The following PBX3 variants were observed in gnomAD, a reference collection of about 807,000 sequenced individuals.
PBX3 encodes pre-B-cell leukemia transcription factor 3.
PBX3 carries 14 observed loss-of-function variants against 48.5 expected under a neutral mutation model. The observed-to-expected ratio is 0.29, with a 90% CI of 0.19 to 0.45. PBX3 has a LOEUF of 0.45. PBX3 is among the 20% of genes least tolerant of loss of function. PBX3 has a pLI of 1.00. For synonymous variants in PBX3, 210 were observed against 200.3 expected, an observed-to-expected ratio of 1.05 and a Z score of -0.41; for missense variants, 386 against 546.7, an observed-to-expected ratio of 0.71 and a Z score of 2.93.
Position 125,865,638 on chromosome 9 carries a change from C to G in PBX3, c.275-50048C>G, listed in dbSNP as rs570985637. On this transcript the variant is annotated intron_variant, in intron 2 of 8. Coordinates refer to ENST00000373489, the MANE Select transcript of PBX3 (RefSeq NM_006195.6). Reference sequence around the variant, plus strand: ...ATTTCAGTAATAAGGAAGAACAGATCTGATTGTTTTTGCATAACATTTCCC... The same window carrying G: ...ATTTCAGTAATAAGGAAGAACAGATGTGATTGTTTTTGCATAACATTTCCC... Among the ~76,000 whole-genome samples the G allele has an allele frequency of 5.9e-5, 9 of 152,268 alleles. No individual in the cohort carries two copies. In the South Asian group the frequency reaches 1.9e-3, roughly 32 times the overall value.
chr9:125,872,278 T>G (rs961613775), intron 2 of PBX3, among the ~76,000 whole-genome samples: 5 of 152,228 alleles, frequency 3.3e-5, no homozygotes, highest in African/African-American at 9.6e-5. Flanking sequence ...TTTAAAAGAT[T>G]GCAAGAGAAA....
intron 2 of PBX3, among the ~76,000 whole-genome samples, chr9:125,802,340 C>T (rs1837978425): frequency 1.7e-5 from 2 of 121,076 alleles, no homozygotes; most frequent in South Asian, 6.3e-4. Flanking sequence ...TTAGCTTCTA[C>T]TTGTGAGAAC....
chr9:125,860,819 A>G (rs1839843216), intron 2 of PBX3, among the ~76,000 whole-genome samples: 1 of 147,900 alleles, frequency 6.8e-6, no homozygotes, highest in Non-Finnish European at 1.5e-5. Flanking sequence ...CCCAGGAGGC[A>G]GAGGTTGCAG....
At chr9:125,882,678 A>G (rs1238217090) in intron 2 of PBX3, among the ~76,000 whole-genome samples, 2 of 152,224 alleles carry the variant, frequency 1.3e-5, no homozygotes, top group African/African-American at 2.4e-5. Context: ...CATGTTGTCA[A>G]TTGGATATTA....
intron 2 of PBX3, among the ~76,000 whole-genome samples, chr9:125,760,094 A>G (rs1365388974): frequency 6.6e-6 from 1 of 152,166 alleles, no homozygotes; most frequent in Non-Finnish European, 1.5e-5. Flanking sequence ...AACCTATCTG[A>G]GCAGTTTATT....
chr9:125,797,140 A>G (rs1341571278), intron 2 of PBX3, among the ~76,000 whole-genome samples: 2 of 152,154 alleles, frequency 1.3e-5, no homozygotes, highest in Non-Finnish European at 2.9e-5. Context: ...AGACATTAAT[A>G]TGTTATATCA....
intron 2 of PBX3, among the ~76,000 whole-genome samples, chr9:125,851,490 G>C (rs1254165633): frequency 6.6e-6 from 1 of 152,014 alleles, no homozygotes; most frequent in Non-Finnish European, 1.5e-5. Flanking sequence ...CAGGCCATTA[G>C]GAGATATTTT....
At chr9:125,778,064 G>A (rs1332116878) in intron 2 of PBX3, among the ~76,000 whole-genome samples, 2 of 148,850 alleles carry the variant, frequency 1.3e-5, no homozygotes, top group African/African-American at 2.5e-5. Context: ...AGGTTAAAGC[G>A]ATTCTCCTGC....
chr9:125,818,922 G>A (rs1009213656), intron 2 of PBX3, among the ~76,000 whole-genome samples: 8 of 151,184 alleles, frequency 5.3e-5, no homozygotes, highest in East Asian at 3.9e-4. Context: ...TGCAGCCTCC[G>A]TCTCCCAGGT....
chr9:125,824,943 G>A lies in PBX3; in HGVS notation c.274+76320G>A, dbSNP rs533545187. 5.3e-5 allele frequency among the ~76,000 whole-genome samples: 8 copies of A among 152,164 alleles called. No homozygotes were observed. The East Asian group carries it at 1.5e-3, about 29-fold the overall frequency. ...CTATGATTTAGGCCACTGATTCTCG[G>A]ACTTTTTGTTTTCAGGATCTCTTTC... On this transcript the variant is annotated intron_variant, in intron 2 of 8. Coordinates refer to ENST00000373489, the MANE Select transcript of PBX3 (RefSeq NM_006195.6).
intron 4 of PBX3, among the ~76,000 whole-genome samples, chr9:125,932,737 C>T (rs959067420): frequency 2.0e-5 from 3 of 152,128 alleles, no homozygotes; most frequent in Admixed American, 6.5e-5. Context: ...TGATACTTTC[C>T]CATTCTTGTC....
At chr9:125,898,889 TC>T (rs775551616) in intron 2 of PBX3, among the ~76,000 whole-genome samples, 7 of 151,782 alleles carry the variant, frequency 4.6e-5, no homozygotes, top group Non-Finnish European at 8.9e-5. Context: ...ATGGCTAAAT[TC>T]ATGTAAAACA....
chr9:125,920,564 C>T (rs1270329268), intron 3 of PBX3, among the ~76,000 whole-genome samples: 1 of 152,122 alleles, frequency 6.6e-6, no homozygotes, highest in Non-Finnish European at 1.5e-5. Context: ...TTTGCTTGTG[C>T]CAGAAGAAAT....
At chr9:125,864,077 A>G (rs573031501) in intron 2 of PBX3, among the ~76,000 whole-genome samples, 2 of 152,348 alleles carry the variant, frequency 1.3e-5, no homozygotes, top group Non-Finnish European at 2.9e-5. Context: ...GGTCAGAGTG[A>G]ACTTGAGAAA....
chr9:125,755,301 A>C (rs1361816703), intron 2 of PBX3, among the ~76,000 whole-genome samples: 1 of 152,192 alleles, frequency 6.6e-6, no homozygotes, highest in Non-Finnish European at 1.5e-5. Context: ...GGTTGCATAT[A>C]GAAATTATCT....
intron 2 of PBX3, among the ~76,000 whole-genome samples, chr9:125,751,397 C>A (rs1836371318): frequency 6.6e-6 from 1 of 152,204 alleles, no homozygotes; most frequent in Non-Finnish European, 1.5e-5. Flanking sequence ...AGTTCTTATG[C>A]ACATGGGGGA....
At chr9:125,931,527 A>T (rs1841714872) in intron 4 of PBX3, among the ~76,000 whole-genome samples, 1 of 152,082 alleles carries the variant, frequency 6.6e-6, no homozygotes, top group South Asian at 2.1e-4. Context: ...TGAACTCCTG[A>T]ACTCAAGCTA....
At chr9:125,944,631 T>C (rs977054605) in intron 5 of PBX3, among the ~76,000 whole-genome samples, 2 of 152,170 alleles carry the variant, frequency 1.3e-5, no homozygotes, top group African/African-American at 4.8e-5. Flanking sequence ...CTAGAGAAGA[T>C]GATGTGTAGA....
rs548504683 is a variant in PBX3 at position 125,836,809 on chromosome 9, G to A, written c.275-78877G>A. Among the ~76,000 whole-genome samples, 334 of 152,126 alleles carry A rather than the reference G, an allele frequency of 2.2e-3. 2 individuals are homozygous for A. Among genetic ancestry groups the A allele is most frequent in the African/African-American group, 7.7e-3 (318 of 41,500 alleles). ...CTATGTATCCATAACATTTTTTTAA[G>A]AGTCAAAACAAGTAAAACTTCCCTG... On this transcript the variant is annotated intron_variant, in intron 2 of 8. Transcript: ENST00000373489.
Sources: allele counts gnomAD v4.1 joint callset (sites outside exome capture counted in the v4.1 genomes callset), GRCh38; gene constraint gnomAD v4.1.1; transcripts MANE v1.5; gene names NCBI Gene and HGNC (gene_info 2026-07-23, HGNC 2026-07-21).